LMBR1: variants seen among roughly 807,000 people sequenced by gnomAD.
LMBR1 encodes the protein limb region 1 protein homolog.
LMBR1 carries 52 observed loss-of-function variants against 73.9 expected under a neutral mutation model. That is an observed-to-expected ratio of 0.70 (90% CI 0.56 to 0.89). The LOEUF (loss-of-function observed/expected upper bound fraction) is 0.89, where lower values mean the gene tolerates loss of function less well. Ranked by LOEUF, LMBR1 falls within the 40% of genes least tolerant of loss-of-function variation. LMBR1 has a pLI of 0.00. For synonymous variants in LMBR1, 215 were observed against 209.4 expected, an observed-to-expected ratio of 1.03 and a Z score of -0.23; for missense variants, 539 against 579.8, an observed-to-expected ratio of 0.93 and a Z score of 0.72.
At chr7:156,888,251 A>G (rs1263857608) in intron 1 of LMBR1, among the ~76,000 whole-genome samples, 9 of 152,018 alleles carry the variant, frequency 5.9e-5, no homozygotes, top group African/African-American at 2.2e-4. Flanking sequence ...TCTACTAAAA[A>G]TACAAAAAGT....
rs1402690273 is a variant in LMBR1, at chr7:156,679,344, G to A, written c.*4734C>T. ...GAAAAAGTGAATCACTCTTCAGACT[G>A]AAGGATAGCCAGGCCAGAGAGGTGG... On this transcript the variant is annotated 3_prime_UTR_variant, in exon 17 of 17. Coordinates refer to ENST00000353442, the MANE Select transcript of LMBR1 (RefSeq NM_022458.4). The A allele has an allele frequency of 6.6e-6, 1 of 152,234 alleles. No homozygotes were observed. Among genetic ancestry groups the A allele is most frequent in the African/African-American group, 2.4e-5 (1 of 41,428 alleles). 9.4% of individuals were successfully genotyped at this position (152,234 alleles called of 1,614,324 possible).
At chr7:156,708,693 G>A (rs1437788824) in intron 15 of LMBR1, among the ~76,000 whole-genome samples, 1 of 152,192 alleles carries the variant, frequency 6.6e-6, no homozygotes, top group East Asian at 1.9e-4. Flanking sequence ...GGGGCAGGGT[G>A]CAAATGGGAA....
chr7:156,890,889 T>C (rs1430296458), intron 1 of LMBR1, among the ~76,000 whole-genome samples: 1 of 152,092 alleles, frequency 6.6e-6, no homozygotes, highest in Non-Finnish European at 1.5e-5. Context: ...CCAAAAGCTA[T>C]GTACAAAAAG....
chr7:156,761,111 C>G (rs1822899783), intron 8 of LMBR1, among the ~76,000 whole-genome samples: 1 of 152,132 alleles, frequency 6.6e-6, no homozygotes, highest in South Asian at 2.1e-4. Flanking sequence ...CTATTCAGAG[C>G]ACAGCAAGTT....
At chr7:156,712,809 T>C (rs539375965) in intron 15 of LMBR1, among the ~76,000 whole-genome samples, 4 of 152,270 alleles carry the variant, frequency 2.6e-5, no homozygotes, top group African/African-American at 9.6e-5. Context: ...AAATAATGCA[T>C]TCACATGGAT....
At chr7:156,877,609 C>T (rs1260060844) in intron 1 of LMBR1, among the ~76,000 whole-genome samples, 2 of 152,148 alleles carry the variant, frequency 1.3e-5, no homozygotes, top group Non-Finnish European at 2.9e-5. Flanking sequence ...GTCGGCCGGG[C>T]GCGGTGGCTC....
At chr7:156,886,239 C>T (rs944423972) in intron 1 of LMBR1, among the ~76,000 whole-genome samples, 2 of 152,050 alleles carry the variant, frequency 1.3e-5, no homozygotes, top group East Asian at 1.9e-4. Context: ...AGCATCCTCC[C>T]GCAGAGCACA....
At chr7:156,853,424 T>C (rs1796522667) in intron 1 of LMBR1, among the ~76,000 whole-genome samples, 1 of 151,962 alleles carries the variant, frequency 6.6e-6, no homozygotes, top group Non-Finnish European at 1.5e-5. Flanking sequence ...AAAAAAGCAC[T>C]ATCCCTTATG....
intron 3 of LMBR1, among the ~76,000 whole-genome samples, chr7:156,831,275 ATT>A (rs10633275): frequency 7.0e-5 from 9 of 127,968 alleles, no homozygotes; most frequent in African/African-American, 1.2e-4. Context: ...CCTACCCTAG[ATT>A]TTTTTTTTTT....
chr7:156,713,771 T>C (rs1045135728), intron 15 of LMBR1, among the ~76,000 whole-genome samples: 11 of 152,318 alleles, frequency 7.2e-5, no homozygotes, highest in African/African-American at 2.2e-4. Context: ...GTATGTCAAT[T>C]ATACCTCAAT....
intron 15 of LMBR1, among the ~76,000 whole-genome samples, chr7:156,693,998 T>C (rs1377061764): frequency 1.3e-5 from 2 of 152,266 alleles, no homozygotes; most frequent in Admixed American, 6.5e-5. Flanking sequence ...GTTCAACATA[T>C]GAAGGTCAAT....
At chr7:156,744,899 A>T (rs909390915) in intron 9 of LMBR1, among the ~76,000 whole-genome samples, 12 of 152,138 alleles carry the variant, frequency 7.9e-5, no homozygotes, top group Non-Finnish European at 1.2e-4. Context: ...TCTTTGGCTC[A>T]TGGTCCCTTC....
At chr7:156,702,880 T>C (rs1361964457) in intron 15 of LMBR1, among the ~76,000 whole-genome samples, 1 of 152,148 alleles carries the variant, frequency 6.6e-6, no homozygotes, top group Non-Finnish European at 1.5e-5. Flanking sequence ...AGTAGGTAAA[T>C]GGATAAACTG....
chr7:156,892,761 GA>G (rs1803352955), intron 1 of LMBR1, among the ~76,000 whole-genome samples, 166 bp downstream of exon 1: 1 of 133,132 alleles, frequency 7.5e-6, no homozygotes, highest in African/African-American at 2.8e-5. Flanking sequence ...GAGGGAAGGG[GA>G]GGGGAGGGGA....
intron 15 of LMBR1, among the ~76,000 whole-genome samples, chr7:156,701,791 C>T (rs778820751): frequency 5.9e-5 from 9 of 152,146 alleles, no homozygotes; most frequent in African/African-American, 1.2e-4. Flanking sequence ...CTCCCTCCCC[C>T]GACCAAGGCC....
At chr7:156,768,904 G>A (rs897242938) in intron 5 of LMBR1, among the ~76,000 whole-genome samples, 7 of 152,092 alleles carry the variant, frequency 4.6e-5, no homozygotes, top group South Asian at 4.2e-4. Context: ...GAGTCCACTC[G>A]GAGGCAGTGG....
chr7:156,805,462 T>C (rs954205531), intron 4 of LMBR1, among the ~76,000 whole-genome samples: 3 of 152,164 alleles, frequency 2.0e-5, no homozygotes, highest in African/African-American at 7.2e-5. Context: ...GTGATCTGCC[T>C]GCCTTGGCCT....
chr7:156,860,780 T>C (rs1797612896), intron 1 of LMBR1, among the ~76,000 whole-genome samples: 1 of 152,198 alleles, frequency 6.6e-6, no homozygotes, highest in Non-Finnish European at 1.5e-5. Context: ...CCCCATGCAG[T>C]CTGAAATCCA....
At chr7:156,882,414 A>G (rs1326851509) in intron 1 of LMBR1, among the ~76,000 whole-genome samples, 1 of 152,206 alleles carries the variant, frequency 6.6e-6, no homozygotes, top group Admixed American at 6.5e-5. Context: ...TGGGAAAAAG[A>G]GTGAGACTCC....
Sources: allele counts gnomAD v4.1 joint callset (sites outside exome capture counted in the v4.1 genomes callset), GRCh38; gene constraint gnomAD v4.1.1; transcripts MANE v1.5; gene names NCBI Gene and HGNC (gene_info 2026-07-23, HGNC 2026-07-21).